SGCD: variants seen among roughly 807,000 people sequenced by gnomAD.
SGCD encodes delta-sarcoglycan.
Under a neutral mutation model 36.6 loss-of-function variants are expected in SGCD, and 18 were observed. The observed-to-expected ratio is 0.49, with a 90% confidence interval of 0.34 to 0.73. The LOEUF is 0.73. Among genes scored for constraint, SGCD ranks in the 30% least tolerant of loss-of-function variants. SGCD has a pLI of 0.01. For synonymous variants in SGCD, 133 were observed against 130.6 expected (o/e 1.02, Z -0.12); for missense variants, 387 against 346.7 (o/e 1.12, Z -0.92).
At chr5:156,520,739 C>T (rs1757365376) in intron 4 of SGCD, among the ~76,000 whole-genome samples, 1 of 151,934 alleles carries the variant, frequency 6.6e-6, no homozygotes, top group Non-Finnish European at 1.5e-5. Context: ...ACCACACAGC[C>T]AGGCGCGGTG....
At chr5:155,807,523 C>A in the SGCD span, among the ~76,000 whole-genome samples, 1 of 152,214 alleles carries the variant, frequency 6.6e-6, no homozygotes, top group Non-Finnish European at 1.5e-5. Context: ...CCCAAAATGC[C>A]AACCTGGCAG....
intron 3 of SGCD, among the ~76,000 whole-genome samples, chr5:156,144,749 C>A (rs1762671292): frequency 6.6e-6 from 1 of 152,138 alleles, no homozygotes. Flanking sequence ...TAATTAGATC[C>A]CATTTGTCAA....
chr5:156,613,661 A>C (rs1453979536), intron 6 of SGCD, among the ~76,000 whole-genome samples: 1 of 152,210 alleles, frequency 6.6e-6, no homozygotes, highest in African/African-American at 2.4e-5. Context: ...AGAGCTACTG[A>C]ATGAGAAACT....
chr5:156,537,459 C>CCACACACACACACACACACA lies in SGCD; in HGVS notation c.294+28786_294+28805dup, dbSNP rs769070218. On this transcript the variant is annotated intron_variant, in intron 4 of 8. Transcript: ENST00000337851. ...TGGGCTTGAGGTTAGAAGGTAGCAG[C>CCACACACACACACACACACA]CACACACACACACACACACACACAC... is the stretch of plus-strand genomic sequence containing the variant. Among the ~76,000 whole-genome samples the CCACACACACACACACACACA allele has an allele frequency of 2.9e-4, 36 of 125,892 alleles. 1 individual carries two copies. Among genetic ancestry groups the CCACACACACACACACACACA allele is most frequent in the Non-Finnish European group, 4.8e-4 (29 of 60,372 alleles). The allele number at this position is 125,892 out of a possible 152,430, so 82.6% of individuals were successfully genotyped here. A position where few individuals can be genotyped will look rare whatever the true frequency, so the allele number is the denominator to read the frequency against.
At chr5:156,679,856 T>C (rs561020279) in intron 7 of SGCD, among the ~76,000 whole-genome samples, 1 of 152,316 alleles carries the variant, frequency 6.6e-6, no homozygotes, top group South Asian at 2.1e-4. Context: ...ACTTTAGTTA[T>C]CTTCTTAGTT....
At chr5:156,296,456 G>T (rs1374011606) in intron 3 of SGCD, among the ~76,000 whole-genome samples, 1 of 152,076 alleles carries the variant, frequency 6.6e-6, no homozygotes, top group Non-Finnish European at 1.5e-5. Flanking sequence ...TTCTAATATA[G>T]GCATTTATAG....
intron 3 of SGCD, among the ~76,000 whole-genome samples, chr5:156,446,927 AT>A (rs1753777514): frequency 6.6e-6 from 1 of 152,118 alleles, no homozygotes; most frequent in African/African-American, 2.4e-5. Flanking sequence ...CATTATGCAA[AT>A]TTCCCAAGGT....
chr5:156,759,130 A>C, intron 8 of SGCD, 87 bp from the exon 9 acceptor site: 1 of 1,046,682 alleles, frequency 9.6e-7, no homozygotes, highest in Non-Finnish European at 1.5e-6. Context: ...TTTCAGTTGA[A>C]TTGAACATTC....
chr5:156,090,592 G>A (rs1761215859), intron 1 of SGCD, among the ~76,000 whole-genome samples: 1 of 152,202 alleles, frequency 6.6e-6, no homozygotes, highest in Non-Finnish European at 1.5e-5. Flanking sequence ...GGCACACATT[G>A]TCTTGATAAA....
intron 3 of SGCD, among the ~76,000 whole-genome samples, chr5:156,206,083 T>G (rs1764271609): frequency 6.6e-6 from 1 of 150,628 alleles, no homozygotes. Context: ...CTTACTCATA[T>G]TTAGCCATAC....
At chr5:156,413,027 G>A (rs1448131011) in intron 3 of SGCD, among the ~76,000 whole-genome samples, 1 of 151,876 alleles carries the variant, frequency 6.6e-6, no homozygotes, top group Non-Finnish European at 1.5e-5. Flanking sequence ...TCGATCTCCT[G>A]ACCTCATGAT....
chr5:155,904,591 G>T (rs1010154402), intron 1 of SGCD, among the ~76,000 whole-genome samples: 1 of 152,086 alleles, frequency 6.6e-6, no homozygotes, highest in African/African-American at 2.4e-5. Flanking sequence ...TAGTATGTAG[G>T]TAGAGGGATT....
intron 3 of SGCD, among the ~76,000 whole-genome samples, chr5:156,303,687 A>C (rs921455023): frequency 3.6e-4 from 54 of 151,468 alleles, no homozygotes; most frequent in African/African-American, 1.1e-3. Flanking sequence ...GAATCCTACC[A>C]GGACTGGTAG....
At chr5:155,731,309 A>AG in the SGCD span, among the ~76,000 whole-genome samples, 6 of 151,628 alleles carry the variant, frequency 4.0e-5, no homozygotes, top group Non-Finnish European at 7.4e-5. Context: ...GAAGAGTGTG[A>AG]GAAAAGAGAA....
At chr5:156,099,344 A>G (rs1047106093) in intron 1 of SGCD, among the ~76,000 whole-genome samples, 2 of 152,140 alleles carry the variant, frequency 1.3e-5, no homozygotes, top group Non-Finnish European at 2.9e-5. Flanking sequence ...TCCTCTACCC[A>G]AATGCATTTC....
chr5:155,963,871 A>G (rs1414899878), intron 1 of SGCD, among the ~76,000 whole-genome samples: 1 of 152,134 alleles, frequency 6.6e-6, no homozygotes, highest in Non-Finnish European at 1.5e-5. Flanking sequence ...GAAACTAAAA[A>G]TCACCTGAAA....
At chr5:156,251,381 C>T (rs902945164) in intron 3 of SGCD, among the ~76,000 whole-genome samples, 35 of 152,194 alleles carry the variant, frequency 2.3e-4, no homozygotes, top group Admixed American at 2.2e-3. Context: ...TCTAAAGCAA[C>T]TACTGTTAAC....
In SGCD at chr5:156,445,396, T is replaced by G. The variant is rs541986150; in HGVS notation, c.193-63205T>G. On this transcript the variant is annotated intron_variant, in intron 3 of 8. Coordinates refer to ENST00000337851, the MANE Select transcript of SGCD (RefSeq NM_000337.6). ...TCAAAATGGTTACAAAATAGGAATG[T>G]ATTTTGAAGTGTATTTATTTAATTT... Among the ~76,000 whole-genome samples, 25 of 152,316 alleles carry G rather than the reference T, an allele frequency of 1.6e-4. No homozygotes were observed. In the South Asian group the frequency reaches 4.8e-3, roughly 29 times the overall value.
chr5:156,008,618 C>T (rs1758798718), intron 1 of SGCD, among the ~76,000 whole-genome samples: 1 of 152,144 alleles, frequency 6.6e-6, no homozygotes, highest in South Asian at 2.1e-4. Flanking sequence ...CCAAGCAGTT[C>T]TCCGGCCTCA....
Sources: allele counts gnomAD v4.1 joint callset (sites outside exome capture counted in the v4.1 genomes callset), GRCh38; gene constraint gnomAD v4.1.1; transcripts MANE v1.5; gene names NCBI Gene and HGNC (gene_info 2026-07-23, HGNC 2026-07-21).